The following EPS15L1 variants were observed in gnomAD, a reference collection of about 807,000 sequenced individuals.
EPS15L1 encodes epidermal growth factor receptor pathway substrate 15 like 1, also known as epidermal growth factor receptor substrate 15-like 1.
In EPS15L1, 43 loss-of-function variants were observed where a neutral mutation model predicts 117.1. That is an observed-to-expected ratio of 0.37 (90% CI 0.29 to 0.47). EPS15L1 has a LOEUF of 0.47. Ranked by LOEUF, EPS15L1 falls within the 20% of genes least tolerant of loss-of-function variation. EPS15L1 has a pLI of 0.99. For synonymous variants in EPS15L1, 459 were observed against 470.5 expected, an observed-to-expected ratio of 0.98 and a Z score of 0.32; for missense variants, 981 against 1,164.0, an observed-to-expected ratio of 0.84 and a Z score of 2.29.
rs58200356 is a variant in EPS15L1 at position 16,450,102 on chromosome 19, C to T, written c.34-7883G>A. Reference sequence around the variant, plus strand: ...TATCTCTACAAAAAAAAAAAAATAGCCACGCATGGTGGCACATGCCTGTGG... The same window carrying T: ...TATCTCTACAAAAAAAAAAAAATAGTCACGCATGGTGGCACATGCCTGTGG... On this transcript the variant is annotated intron_variant, in intron 1 of 23. Transcript: ENST00000455140. Among the ~76,000 whole-genome samples, 282 of 151,546 alleles carry T rather than the reference C, an allele frequency of 1.9e-3. 1 individual carries two copies. Among genetic ancestry groups the T allele is most frequent in the African/African-American group, 6.4e-3 (263 of 41,322 alleles).
intron 7 of EPS15L1, among the ~76,000 whole-genome samples, chr19:16,428,965 AATC>A (rs1484824309): frequency 1.3e-5 from 2 of 152,180 alleles, no homozygotes; most frequent in Non-Finnish European, 2.9e-5. Flanking sequence ...GTGGTCTGAC[AATC>A]ATCATGATTA....
intron 13 of EPS15L1, among the ~76,000 whole-genome samples, chr19:16,406,530 C>A (rs2092658317): frequency 6.6e-6 from 1 of 152,190 alleles, no homozygotes; most frequent in African/African-American, 2.4e-5. Flanking sequence ...TCTAGAGCCT[C>A]CTAAGTCTAA....
At chr19:16,374,190 C>T (rs759325514) in intron 22 of EPS15L1, among the ~76,000 whole-genome samples, 19 of 152,200 alleles carry the variant, frequency 1.2e-4, no homozygotes, top group Non-Finnish European at 2.2e-4. Flanking sequence ...CCTCCCTCCC[C>T]GCCTTTCCTC....
intron 1 of EPS15L1, among the ~76,000 whole-genome samples, chr19:16,448,757 C>T (rs1399488471): frequency 6.6e-6 from 1 of 151,424 alleles, no homozygotes; most frequent in East Asian, 2.0e-4. Flanking sequence ...TTGAACCCAG[C>T]GGGCAGAGGC....
At chr19:16,379,530 C>A (rs533258346) in intron 21 of EPS15L1, among the ~76,000 whole-genome samples, 2 of 152,258 alleles carry the variant, frequency 1.3e-5, no homozygotes, top group Non-Finnish European at 2.9e-5. Context: ...AGGTCTACCA[C>A]CACGTCCAGC....
chr19:16,446,741 T>C (rs2093086860), intron 1 of EPS15L1, among the ~76,000 whole-genome samples: 2 of 152,166 alleles, frequency 1.3e-5, no homozygotes, highest in African/African-American at 4.8e-5. Flanking sequence ...ATGCATATGC[T>C]GGCCTGGGAA....
chr19:16,446,186 G>A (rs1238996723), intron 1 of EPS15L1, among the ~76,000 whole-genome samples: 2 of 152,130 alleles, frequency 1.3e-5, no homozygotes, highest in Non-Finnish European at 2.9e-5. Context: ...TGTAACCCAG[G>A]ACAACAGCAG....
rs146251234 is a variant in EPS15L1, at chr19:16,417,999, T to G, written c.1056A>C (p.Gln352His). 59 of 1,614,042 alleles carry G rather than the reference T, an allele frequency of 3.7e-5. No individual in the cohort carries two copies. In the African/African-American group the frequency reaches 7.1e-4, roughly 19 times the overall value. ...GCGGGACCATGTCCGGCGAGAGGAC[T>G]TGAGGAGGGTCGATGCCTTTACTGA... ...QKVSKGIDPPQVLSPDMVPPS... is the reference protein window; with the variant it reads ...QKVSKGIDPPHVLSPDMVPPS... Residue 352 changes from glutamine to histidine, a missense_variant, in exon 11 of 24, where the codon CAA (glutamine) becomes CAC (histidine). Coordinates refer to ENST00000455140, the MANE Select transcript of EPS15L1 (RefSeq NM_001258374.3).
Position 16,434,289 on chromosome 19 carries a change from T to C in EPS15L1, c.498+76A>G. 5.2e-6 allele frequency: 8 copies of C among 1,540,248 alleles called. No individual in the cohort carries two copies. In the Middle Eastern group the frequency reaches 6.6e-4, roughly 127 times the overall value. On this transcript the variant is annotated intron_variant, in intron 7 of 23. Coordinates refer to ENST00000455140, the MANE Select transcript of EPS15L1 (RefSeq NM_001258374.3). ...CAGAGCAAGAGCCTTGTAAGCACCA[T>C]GGGGAAAGAGAACAGTGGCGCCCAC...
chr19:16,426,948 T>C (rs907648353), intron 8 of EPS15L1, among the ~76,000 whole-genome samples: 1 of 152,230 alleles, frequency 6.6e-6, no homozygotes, highest in African/African-American at 2.4e-5. Flanking sequence ...ATAATGGTTA[T>C]GTGTGAGAGA....
At chr19:16,448,416 G>A (rs569069597) in intron 1 of EPS15L1, among the ~76,000 whole-genome samples, 41 of 152,058 alleles carry the variant, frequency 2.7e-4, no homozygotes, top group Middle Eastern at 6.8e-3. Context: ...TGTAATCCCA[G>A]CTACTCGGGA....
intron 22 of EPS15L1, among the ~76,000 whole-genome samples, chr19:16,373,381 G>T (rs995869978): frequency 5.3e-5 from 8 of 151,966 alleles, no homozygotes; most frequent in Non-Finnish European, 8.8e-5. Flanking sequence ...AGCAGAAAAA[G>T]CCTGGGGTAG....
chr19:16,380,293 A>G (rs2092346878), intron 21 of EPS15L1, among the ~76,000 whole-genome samples: 1 of 152,214 alleles, frequency 6.6e-6, no homozygotes, highest in African/African-American at 2.4e-5. Context: ...AGCCACACAG[A>G]CACGGCCACC....
At chr19:16,385,810 C>T (rs759996791) in intron 20 of EPS15L1, among the ~76,000 whole-genome samples, 46 of 152,200 alleles carry the variant, frequency 3.0e-4, no homozygotes, top group Non-Finnish European at 5.9e-4. Context: ...AAACACAGAA[C>T]CCACAACATA....
chr19:16,376,026 G>C (rs906893373), intron 22 of EPS15L1, among the ~76,000 whole-genome samples: 1 of 152,234 alleles, frequency 6.6e-6, no homozygotes, highest in Non-Finnish European at 1.5e-5. Context: ...GCAAAGTGAG[G>C]CCAGTGGCAG....
At chr19:16,389,407 T>C (rs2092454106) in intron 19 of EPS15L1, among the ~76,000 whole-genome samples, 1 of 152,022 alleles carries the variant, frequency 6.6e-6, no homozygotes, top group South Asian at 2.1e-4. Context: ...TAAGCCAAGA[T>C]CACACCACTG....
intron 21 of EPS15L1, among the ~76,000 whole-genome samples, chr19:16,377,772 C>T (rs1051182957): frequency 1.3e-5 from 2 of 152,228 alleles, no homozygotes; most frequent in Non-Finnish European, 2.9e-5. Context: ...CTTTCTTCCT[C>T]CATGCCTCTG....
Position 16,374,166 on chromosome 19 carries a change from G to A in EPS15L1, c.2380+2956C>T, listed in dbSNP as rs1355737417. On this transcript the variant is annotated intron_variant, in intron 22 of 23. Coordinates refer to ENST00000455140, the MANE Select transcript of EPS15L1 (RefSeq NM_001258374.3). Reference sequence around the variant, plus strand: ...GCTGCCACCTTGCTGTGTGACCTTGGGGAGCCCCCATGACCTCCCTCCCCG... The same window carrying A: ...GCTGCCACCTTGCTGTGTGACCTTGAGGAGCCCCCATGACCTCCCTCCCCG... 2.6e-5 allele frequency among the ~76,000 whole-genome samples: 4 copies of A among 152,194 alleles called. No homozygotes were observed. The East Asian group carries it at 7.7e-4, about 29-fold the overall frequency.
chr19:16,359,210 G>A (rs1217555179), intron 23 of EPS15L1, among the ~76,000 whole-genome samples: 5 of 152,140 alleles, frequency 3.3e-5, no homozygotes, highest in East Asian at 1.9e-4. Context: ...CCAATCTGCC[G>A]GGCAGTCAGA....
Sources: allele counts gnomAD v4.1 joint callset (sites outside exome capture counted in the v4.1 genomes callset), GRCh38; gene constraint gnomAD v4.1.1; transcripts MANE v1.5; gene names NCBI Gene and HGNC (gene_info 2026-07-23, HGNC 2026-07-21).